The following AGBL1 variants were observed in gnomAD, a reference collection of about 807,000 sequenced individuals.
The protein encoded by AGBL1 is cytosolic carboxypeptidase 4.
AGBL1 carries 130 observed loss-of-function variants against 118.9 expected under a neutral mutation model. The ratio of observed to expected loss-of-function variants is 1.09; its 90% CI spans 0.95 to 1.26. The LOEUF (loss-of-function observed/expected upper bound fraction) is 1.26, where lower values mean the gene tolerates loss of function less well. Among genes scored for constraint, AGBL1 ranks in the 50% most tolerant of loss-of-function variants. The pLI is 0.00. For missense variants in AGBL1, 1,584 were observed against 1,298.1 expected, an observed-to-expected ratio of 1.22 and a Z score of -3.38; for synonymous variants, 555 against 478.9, an observed-to-expected ratio of 1.16 and a Z score of -2.08.
At chr15:86,634,092 G>A (rs1049408459) in intron 21 of AGBL1, among the ~76,000 whole-genome samples, 1 of 151,888 alleles carries the variant, frequency 6.6e-6, no homozygotes, top group East Asian at 1.9e-4. Flanking sequence ...GGGGAAATTG[G>A]AGCCCTCATA....
intron 5 of AGBL1, among the ~76,000 whole-genome samples, chr15:86,206,711 C>T (rs1269031142): frequency 6.6e-6 from 1 of 152,098 alleles, no homozygotes; most frequent in South Asian, 2.1e-4. Context: ...TGGATATTAG[C>T]CCTTTGTCAG....
At chr15:86,974,457 A>G (rs2081149546) in intron 23 of AGBL1, among the ~76,000 whole-genome samples, 2 of 131,768 alleles carry the variant, frequency 1.5e-5, no homozygotes, top group African/African-American at 2.9e-5. Context: ...TTATATATTG[A>G]ATATAAACAT....
At chr15:86,545,335 A>G (rs1007184884) in intron 19 of AGBL1, among the ~76,000 whole-genome samples, 4 of 152,176 alleles carry the variant, frequency 2.6e-5, no homozygotes, top group African/African-American at 9.6e-5. Context: ...GTGATTGATT[A>G]GCTTCTGTTT....
intron 22 of AGBL1, among the ~76,000 whole-genome samples, chr15:86,698,056 G>A (rs2086292486): frequency 6.6e-6 from 1 of 151,998 alleles, no homozygotes; most frequent in Non-Finnish European, 1.5e-5. Flanking sequence ...GTCTCCACAT[G>A]CTGCTCTGCC....
downstream of AGBL1, chr15:87,029,062 G>T: frequency 2.0e-6 from 1 of 505,098 alleles, no homozygotes. Context: ...TTGGTTCATA[G>T]TTCTCTGAAC....
rs187827208 is a variant in AGBL1 at position 86,378,545 on chromosome 15, C to G, written c.2375-18821C>G. Among the ~76,000 whole-genome samples, 790 of 152,258 alleles carry G rather than the reference C, an allele frequency of 5.2e-3. 5 individuals are homozygous for G. Among genetic ancestry groups the G allele is most frequent in the African/African-American group, 0.018 (753 of 41,544 alleles). On this transcript the variant is annotated intron_variant, in intron 17 of 22. Transcript: ENST00000614907. Reference sequence around the variant, plus strand: ...TGTAAGTGCTGAGTAGCTTCAGCTTCCAACTGGGCCATTCTGAGAGCTATG... The same window carrying G: ...TGTAAGTGCTGAGTAGCTTCAGCTTGCAACTGGGCCATTCTGAGAGCTATG...
chr15:86,213,446 G>A (rs1274782036), intron 5 of AGBL1, among the ~76,000 whole-genome samples: 1 of 152,198 alleles, frequency 6.6e-6, no homozygotes, highest in Non-Finnish European at 1.5e-5. Context: ...TGGAAGTGCA[G>A]TTTCTCAGGT....
chr15:86,117,202 TTACC>T (rs1448222090), intron 1 of AGBL1, among the ~76,000 whole-genome samples: 2 of 152,078 alleles, frequency 1.3e-5, no homozygotes, highest in East Asian at 3.9e-4. Context: ...TGATGCATGA[TTACC>T]TGCCTTGAGA....
rs373842435 is a variant in AGBL1, at chr15:86,247,811, G to A, written c.667G>A (p.Ala223Thr). 2.5e-6 allele frequency: 4 copies of A among 1,613,856 alleles called. No homozygotes were observed. In the African/African-American group the frequency reaches 5.3e-5, roughly 22 times the overall value. ...GCTGCTCTGCCTCAGGCACATTGCTGCCCTCCGGTCCGGCAGGGAGGCCTT... is the reference window on the plus strand; with the variant it reads ...GCTGCTCTGCCTCAGGCACATTGCTACCCTCCGGTCCGGCAGGGAGGCCTT... Reference protein sequence around the residue: ...GLLLCLRHIAALRSGREAFLA... With the variant: ...GLLLCLRHIATLRSGREAFLA... The change falls in exon 7 of 23, where the codon GCC becomes ACC. Residue 223 changes from alanine to threonine, a missense_variant. By Grantham distance (58) the Ala-to-Thr change is moderately conservative (BLOSUM62 0). Transcript: ENST00000614907.
intron 21 of AGBL1, among the ~76,000 whole-genome samples, chr15:86,576,788 AAGG>A (rs2084098250): frequency 6.6e-6 from 1 of 152,184 alleles, no homozygotes; most frequent in Admixed American, 6.5e-5. Flanking sequence ...TGGTTATCGT[AAGG>A]AGGAGTTTCC....
At chr15:86,988,127 C>T (rs765822666) in intron 24 of AGBL1, 65 of 1,600,010 alleles carry the variant, frequency 4.1e-5, no homozygotes, top group East Asian at 3.6e-4. Flanking sequence ...TTGCTTGGGG[C>T]GGGGATTGCT....
chr15:86,441,965 G>C (rs575875786), intron 18 of AGBL1, among the ~76,000 whole-genome samples: 1 of 152,330 alleles, frequency 6.6e-6, no homozygotes, highest in Admixed American at 6.5e-5. Flanking sequence ...GTGTATCAAA[G>C]GGAAAGCTGC....
chr15:86,139,974 C>G (rs539514357), intron 1 of AGBL1: 12 of 159,566 alleles, frequency 7.5e-5, no homozygotes, highest in Non-Finnish European at 1.5e-4. Context: ...TGGGGACAAT[C>G]TCCTCCACCT....
chr15:86,611,673 A>T (rs1336146123), intron 21 of AGBL1, among the ~76,000 whole-genome samples: 1 of 150,904 alleles, frequency 6.6e-6, no homozygotes, highest in Non-Finnish European at 1.5e-5. Context: ...CCCCTTGGTA[A>T]TCTAATCAGA....
intron 18 of AGBL1, among the ~76,000 whole-genome samples, chr15:86,429,737 C>A (rs1024446361): frequency 6.6e-6 from 1 of 152,238 alleles, no homozygotes; most frequent in Non-Finnish European, 1.5e-5. Context: ...CCTTGCAGGA[C>A]ATATTGTATG....
chr15:86,744,556 T>C (rs2077725691), intron 22 of AGBL1, among the ~76,000 whole-genome samples: 1 of 152,082 alleles, frequency 6.6e-6, no homozygotes, highest in South Asian at 2.1e-4. Flanking sequence ...AGACCATCAA[T>C]TCCGAAAGCA....
chr15:86,154,447 A>G lies in AGBL1; in HGVS notation c.280A>G (p.Lys94Glu). ...GTTCTTAGATAAAAAGATTGGACGG[A>G]AGGCCCTAGAATTGGAAGCACTTGA... ...VGLRDKKIGR[K>E]ALELEALDVT... Residue 94 changes from lysine to glutamate, a missense_variant, in exon 4 of 23, where the codon AAG (lysine) becomes GAG (glutamate). Physicochemically the swap from Lys to Glu is moderately conservative, Grantham distance 56. Transcript: ENST00000614907. 4 of 1,612,550 alleles carry G rather than the reference A, an allele frequency of 2.5e-6. No homozygotes were observed. Among genetic ancestry groups the G allele is most frequent in the Non-Finnish European group, 3.4e-6 (4 of 1,179,304 alleles).
At chr15:86,111,791 T>A (rs993736903) in intron 1 of AGBL1, among the ~76,000 whole-genome samples, 19 of 152,172 alleles carry the variant, frequency 1.2e-4, no homozygotes, top group African/African-American at 4.6e-4. Context: ...CAAGACCATG[T>A]TAGGAACCAG....
intron 22 of AGBL1, among the ~76,000 whole-genome samples, chr15:86,697,074 T>TA (rs2142628354): frequency 6.6e-6 from 1 of 152,112 alleles, no homozygotes; most frequent in South Asian, 2.1e-4. Context: ...ACTATGTGCC[T>TA]AGGTATTGAA....
Sources: gnomAD v4.1 joint callset for allele counts (sites outside exome capture counted in the v4.1 genomes callset) on GRCh38, gnomAD v4.1.1 for gene constraint, MANE v1.5 for transcripts, NCBI Gene and HGNC (gene_info 2026-07-23, HGNC 2026-07-21) for gene names.